The following LRRC7 variants were observed in gnomAD, a reference collection of about 807,000 sequenced individuals.
LRRC7 encodes the protein leucine rich repeat containing 7.
Under a neutral mutation model 175.7 loss-of-function variants are expected in LRRC7, and 23 were observed. That is an observed-to-expected ratio of 0.13 (90% CI 0.09 to 0.19). The LOEUF (loss-of-function observed/expected upper bound fraction) is 0.19, where lower values mean the gene tolerates loss of function less well. Ranked by LOEUF, LRRC7 falls within the 10% of genes least tolerant of loss-of-function variation. The pLI is 1.00. For synonymous variants in LRRC7, 685 were observed against 680.9 expected, an observed-to-expected ratio of 1.01 and a Z score of -0.09; for missense variants, 1,354 against 1,904.7, an observed-to-expected ratio of 0.71 and a Z score of 5.38.
At chr1:69,958,106 T>C (rs1363139578) in intron 8 of LRRC7, among the ~76,000 whole-genome samples, 1 of 151,974 alleles carries the variant, frequency 6.6e-6, no homozygotes, top group East Asian at 1.9e-4. Flanking sequence ...TAAAATGAAA[T>C]ATTGCATTGG....
At chr1:69,695,192 G>T (rs1185139988) in intron 2 of LRRC7, among the ~76,000 whole-genome samples, 2 of 152,166 alleles carry the variant, frequency 1.3e-5, no homozygotes, top group Non-Finnish European at 2.9e-5. Context: ...TTGGGAACTG[G>T]TATAAAGGTC....
intron 21 of LRRC7, among the ~76,000 whole-genome samples, chr1:70,041,615 T>C (rs2102035689): frequency 6.6e-6 from 1 of 152,308 alleles, no homozygotes; most frequent in Non-Finnish European, 1.5e-5. Flanking sequence ...GACACGACCA[T>C]ACGTAACAGG....
At chr1:69,943,448 C>G (rs1214741310) in intron 8 of LRRC7, among the ~76,000 whole-genome samples, 1 of 151,832 alleles carries the variant, frequency 6.6e-6, no homozygotes, top group African/African-American at 2.4e-5. Flanking sequence ...TTCCAGGGTC[C>G]AGAGGGAGAG....
intron 2 of LRRC7, among the ~76,000 whole-genome samples, chr1:69,719,464 AT>A (rs1445245841): frequency 6.6e-6 from 1 of 151,696 alleles, no homozygotes; most frequent in African/African-American, 2.4e-5. Flanking sequence ...AAATAAACAA[AT>A]AGGACTAAGA....
intron 2 of LRRC7, among the ~76,000 whole-genome samples, chr1:69,714,531 T>C (rs182363877): frequency 1.3e-5 from 2 of 152,262 alleles, no homozygotes; most frequent in East Asian, 3.9e-4. Flanking sequence ...CAGGAAAGGC[T>C]TCCTGGAAGA....
At chr1:69,687,557 G>T (rs984903035) in intron 2 of LRRC7, among the ~76,000 whole-genome samples, 2 of 131,962 alleles carry the variant, frequency 1.5e-5, no homozygotes, top group African/African-American at 2.8e-5. Flanking sequence ...AAAAAGAAAA[G>T]AAAAAAGAGA....
intron 11 of LRRC7, among the ~76,000 whole-genome samples, chr1:69,999,687 G>T (rs1433980171): frequency 2.0e-5 from 3 of 152,152 alleles, no homozygotes; most frequent in Non-Finnish European, 4.4e-5. Context: ...GATTCTGTCA[G>T]TTCTGGACAT....
chr1:69,973,536 A>G (rs892232405), intron 8 of LRRC7, among the ~76,000 whole-genome samples: 1 of 152,214 alleles, frequency 6.6e-6, no homozygotes, highest in Admixed American at 6.5e-5. Context: ...GCAGTCATAC[A>G]AAATATATAT....
intron 1 of LRRC7, among the ~76,000 whole-genome samples, chr1:69,638,175 CTTAAT>C (rs1236904989): frequency 2.0e-5 from 3 of 151,858 alleles, no homozygotes; most frequent in Non-Finnish European, 4.4e-5. Context: ...CTCAATGTTG[CTTAAT>C]TTAAATACAA....
Position 69,586,990 on chromosome 1 carries a change from G to A in LRRC7, c.2+18349G>A, listed in dbSNP as rs181178609. On this transcript the variant is annotated intron_variant, in intron 1 of 26. Transcript: ENST00000651989. ...ATATCTAAATAATGACATTTGTAGA[G>A]GTTTTTTCTGGCATTCAGTATACTT... Among the ~76,000 whole-genome samples, 221 of 152,174 alleles carry A rather than the reference G, an allele frequency of 1.5e-3. 2 individuals are homozygous for A. Among genetic ancestry groups the A allele is most frequent in the Non-Finnish European group, 2.5e-3 (167 of 67,982 alleles).
intron 25 of LRRC7, among the ~76,000 whole-genome samples, chr1:70,104,659 G>T (rs1665025124): frequency 6.6e-6 from 1 of 152,084 alleles, no homozygotes; most frequent in Non-Finnish European, 1.5e-5. Flanking sequence ...AGCAATACAT[G>T]CTTTGGAAGA....
intron 2 of LRRC7, among the ~76,000 whole-genome samples, chr1:69,696,672 C>A (rs941933901): frequency 2.0e-5 from 3 of 152,148 alleles, no homozygotes; most frequent in African/African-American, 7.2e-5. Context: ...GGTCATGGGG[C>A]AGATTCCTCA....
chr1:69,729,635 G>A (rs1236536185), intron 2 of LRRC7, among the ~76,000 whole-genome samples: 1 of 152,224 alleles, frequency 6.6e-6, no homozygotes, highest in Non-Finnish European at 1.5e-5. Context: ...TGCCCCTGTG[G>A]CTTTGCAGGT....
chr1:69,963,925 A>C (rs1651392305), intron 8 of LRRC7, among the ~76,000 whole-genome samples: 1 of 152,198 alleles, frequency 6.6e-6, no homozygotes, highest in Admixed American at 6.5e-5. Context: ...CCCTTAATAA[A>C]GATTAACTGA....
chr1:70,038,209 G>A lies in LRRC7; in HGVS notation c.2385G>A (p.Arg795=), dbSNP rs2102023839. ...GCAATATACCACAGCGTCCTGACCG[G>A]CTGCCCATGAGTGATACTTTCACTG... ...PPGNIPQRPD[R]LPMSDTFTDN... The change falls in exon 21 of 27, where the codon CGG becomes CGA. Residue 795 remains arginine (R), a synonymous_variant. Transcript: ENST00000651989. 6.2e-7 allele frequency: 1 copy of A among 1,614,122 alleles called. No homozygotes were observed.
intron 7 of LRRC7, among the ~76,000 whole-genome samples, chr1:69,866,266 T>A (rs1023653340): frequency 6.6e-6 from 1 of 152,156 alleles, no homozygotes; most frequent in African/African-American, 2.4e-5. Context: ...TTACTTTATC[T>A]CCACTAAGGC....
intron 1 of LRRC7, among the ~76,000 whole-genome samples, chr1:69,627,272 G>T (rs1208515744): frequency 6.6e-6 from 1 of 152,112 alleles, no homozygotes; most frequent in African/African-American, 2.4e-5. Context: ...CATTCTAACT[G>T]GTGTGAGATG....
chr1:69,743,858 C>T (rs1300469237), intron 2 of LRRC7, among the ~76,000 whole-genome samples: 1 of 151,710 alleles, frequency 6.6e-6, no homozygotes, highest in Non-Finnish European at 1.5e-5. Context: ...ACTTGAAATG[C>T]AAACTTGTAA....
At chr1:70,008,291 C>T (rs1479389804) in intron 11 of LRRC7, among the ~76,000 whole-genome samples, 2 of 152,176 alleles carry the variant, frequency 1.3e-5, no homozygotes, top group Admixed American at 1.3e-4. Flanking sequence ...GTGGATCTGC[C>T]TGCTCCAGCC....
Sources: allele counts gnomAD v4.1 joint callset (sites outside exome capture counted in the v4.1 genomes callset), GRCh38; gene constraint gnomAD v4.1.1; transcripts MANE v1.5; gene names NCBI Gene and HGNC (gene_info 2026-07-23, HGNC 2026-07-21).